The following PLD1 variants were observed in gnomAD, a reference collection of about 807,000 sequenced individuals.
The protein encoded by PLD1 is choline phosphatase 1.
A neutral mutation model predicts 137.1 loss-of-function variants in PLD1; 112 were observed. The ratio of observed to expected loss-of-function variants is 0.82; its 90% CI spans 0.70 to 0.96. The LOEUF (loss-of-function observed/expected upper bound fraction) is 0.96. PLD1 is among the 40% of genes least tolerant of loss of function. The pLI is 0.00. For missense variants in PLD1, 1,321 were observed against 1,342.0 expected, an observed-to-expected ratio of 0.98 and a Z score of 0.24; for synonymous variants, 431 against 454.7, an observed-to-expected ratio of 0.95 and a Z score of 0.66.
chr3:171,743,723 A>G (rs1235605757), intron 1 of PLD1, among the ~76,000 whole-genome samples: 12 of 152,138 alleles, frequency 7.9e-5, no homozygotes, highest in Non-Finnish European at 2.9e-5. Flanking sequence ...TCATGGTTGC[A>G]CTCTCAAGAC....
Position 171,709,600 on chromosome 3 carries a change from C to A in PLD1, c.1021G>T (p.Gly341Trp). 1 of 1,613,952 alleles carries A rather than the reference C, an allele frequency of 6.2e-7. No individual in the cohort carries two copies. Among genetic ancestry groups the A allele is most frequent in the Non-Finnish European group, 8.5e-7 (1 of 1,179,900 alleles). ...GTNFLKDHRF[G>W]SYAAIQENAL... ...TTCTCTTGGATAGCAGCATATGACC[C>A]AAATCGATGATCTTTGAGAAAGTTG... The change falls in exon 10 of 27, where the codon GGG (glycine) becomes TGG (tryptophan). Residue 341 changes from glycine to tryptophan, a missense_variant. Coordinates refer to ENST00000351298, the MANE Select transcript of PLD1 (RefSeq NM_002662.5).
chr3:171,685,178 G>T (rs1714424042), intron 16 of PLD1, among the ~76,000 whole-genome samples: 1 of 151,992 alleles, frequency 6.6e-6, no homozygotes, highest in Non-Finnish European at 1.5e-5. Flanking sequence ...TTTTATGTGT[G>T]GCCCAAGACA....
intron 21 of PLD1, among the ~76,000 whole-genome samples, chr3:171,648,829 C>G (rs916547940): frequency 6.6e-6 from 1 of 152,240 alleles, no homozygotes; most frequent in African/African-American, 2.4e-5. Context: ...GCTGGTATTA[C>G]AGGCGTGAGC....
intron 13 of PLD1, among the ~76,000 whole-genome samples, chr3:171,691,802 G>C (rs1428116886): frequency 6.6e-6 from 1 of 152,108 alleles, no homozygotes; most frequent in African/African-American, 2.4e-5. Context: ...ATTATGTCTT[G>C]ATGTACCTCA....
At chr3:171,635,692 A>G (rs1735042662) in intron 23 of PLD1, among the ~76,000 whole-genome samples, 1 of 151,820 alleles carries the variant, frequency 6.6e-6, no homozygotes, top group African/African-American at 2.4e-5. Flanking sequence ...ATGATTTGCA[A>G]ATGGTTTTCT....
At chr3:171,784,280 G>A (rs1269472171) in intron 1 of PLD1, among the ~76,000 whole-genome samples, 1 of 151,686 alleles carries the variant, frequency 6.6e-6, no homozygotes, top group Non-Finnish European at 1.5e-5. Flanking sequence ...ACCACATTTG[G>A]AGGATTTGAA....
intron 21 of PLD1, among the ~76,000 whole-genome samples, chr3:171,658,527 T>C (rs1737401321): frequency 6.6e-6 from 1 of 152,108 alleles, no homozygotes; most frequent in Admixed American, 6.5e-5. Context: ...TTCAAGAACA[T>C]TATGCTAAGA....
chr3:171,719,404 T>C (rs1717923877), intron 8 of PLD1, among the ~76,000 whole-genome samples: 1 of 152,208 alleles, frequency 6.6e-6, no homozygotes, highest in Admixed American at 6.5e-5. Context: ...TCTACTACTA[T>C]CTGTTCAATG....
chr3:171,644,901 T>C lies in PLD1; in HGVS notation c.2543+9A>G. 1.3e-6 allele frequency: 2 copies of C among 1,549,076 alleles called. No homozygotes were observed. Among genetic ancestry groups the C allele is most frequent in the Non-Finnish European group, 1.8e-6 (2 of 1,120,646 alleles). On this transcript the variant is annotated intron_variant, in intron 22 of 26. Transcript: ENST00000351298. ...AAAGCTCAAAATAGACCATTTAGAG[T>C]TTTGGCACCTGTAGTTGAAGTGCAT...
intron 1 of PLD1, among the ~76,000 whole-genome samples, chr3:171,767,854 G>A: frequency 6.6e-6 from 1 of 151,998 alleles, no homozygotes; most frequent in Non-Finnish European, 1.5e-5. Context: ...AAGGTGGGAG[G>A]CTGACTTAAG....
At chr3:171,640,178 T>C (rs1284105714) in intron 23 of PLD1, among the ~76,000 whole-genome samples, 2 of 151,896 alleles carry the variant, frequency 1.3e-5, no homozygotes, top group African/African-American at 4.8e-5. Flanking sequence ...CTCCAATCTC[T>C]GTTATTTATT....
rs539339751 is a variant in PLD1, at chr3:171,721,853, G to A, written c.758+2843C>T. The stretch of plus-strand genomic sequence containing the variant: ...TCAGTTTTCTTTAGTTTAATCTTCT[G>A]ATCTTTTCCTTGTAATTTCTTCTGT... On this transcript the variant is annotated intron_variant, in intron 8 of 26. Coordinates refer to ENST00000351298, the MANE Select transcript of PLD1 (RefSeq NM_002662.5). 3.3e-5 allele frequency among the ~76,000 whole-genome samples: 5 copies of A among 150,610 alleles called. No homozygotes were observed. The South Asian group carries it at 6.3e-4, about 19-fold the overall frequency.
rs1716086443 is a variant in PLD1 at position 171,699,841 on chromosome 3, C to T, written c.1146-15G>A. 1.2e-6 allele frequency: 2 copies of T among 1,603,316 alleles called. No homozygotes were observed. The highest frequency in any genetic ancestry group is 1.7e-6 in the Non-Finnish European group (2 of 1,171,440). On this transcript the variant is annotated splice_polypyrimidine_tract_variant and intron_variant, in intron 11 of 26. Transcript: ENST00000351298. ...CTGGACTCAGCCTGAAACAATGAAA[C>T]CAAGATTTTAAGTAACTAAAACAAA...
At position 171,710,872 on chromosome 3, in the gene PLD1, C is replaced by CTTTTTTTTTTTTTTTTTT. The variant is rs774704143; in HGVS notation, c.912-1181_912-1164dup. On this transcript the variant is annotated intron_variant, in intron 9 of 26. Transcript: ENST00000351298. ...TTTCACTAATCATAGGAAAACTGTT[C>CTTTTTTTTTTTTTTTTTT]TTTTTTTTTTTTTTTTTTTGAGACG... 1.3e-3 allele frequency among the ~76,000 whole-genome samples: 124 copies of CTTTTTTTTTTTTTTTTTT among 98,562 alleles called. 17 individuals carry two copies. Among genetic ancestry groups the CTTTTTTTTTTTTTTTTTT allele is most frequent in the African/African-American group, 4.7e-3 (101 of 21,372 alleles). The allele number at this position is 98,562 out of a possible 152,430, so 64.7% of individuals were successfully genotyped here. A position where few individuals can be genotyped will look rare whatever the true frequency, so the allele number is the denominator to read the frequency against.
chr3:171,764,966 GAA>G (rs1487561044), intron 1 of PLD1, among the ~76,000 whole-genome samples: 1 of 57,982 alleles, frequency 1.7e-5, no homozygotes, highest in African/African-American at 4.5e-5. Flanking sequence ...AAGAAAGAAA[GAA>G]AGAAAGAAAG....
intron 20 of PLD1, among the ~76,000 whole-genome samples, chr3:171,659,632 T>C (rs1737504459): frequency 6.6e-6 from 1 of 151,864 alleles, no homozygotes. Flanking sequence ...GGGAAACTAG[T>C]TTTTTTCAGA....
intron 1 of PLD1, among the ~76,000 whole-genome samples, chr3:171,766,868 T>C (rs1722010205): frequency 6.6e-6 from 1 of 152,210 alleles, no homozygotes; most frequent in Non-Finnish European, 1.5e-5. Flanking sequence ...TCTTGTTCTA[T>C]ATTGTTAAAG....
Position 171,737,607 on chromosome 3 carries a change from A to T in PLD1, c.213T>A (p.Asn71Lys), listed in dbSNP as rs1274655581. Reference protein sequence around the residue: ...IYNTQGFKEPNIQTYLSGCPI... With the variant: ...IYNTQGFKEPKIQTYLSGCPI... ...GACAGCCGGAGAGATACGTCTGTAT[A>T]TTAGGCTCCTTAAATCCTTGAGTGT... Residue 71 changes from asparagine (N) to lysine (K), a missense_variant, in exon 3 of 27, where the codon AAT (asparagine) becomes AAA (lysine). Transcript: ENST00000351298. 6.2e-7 allele frequency: 1 copy of T among 1,606,096 alleles called. No individual in the cohort carries two copies. The highest frequency in any genetic ancestry group is 8.5e-7 in the Non-Finnish European group (1 of 1,173,282).
At chr3:171,687,043 C>A (rs1714636861) in intron 15 of PLD1, among the ~76,000 whole-genome samples, 1 of 152,176 alleles carries the variant, frequency 6.6e-6, no homozygotes, top group Admixed American at 6.5e-5. Context: ...AATGTAATTT[C>A]TTCTAAGAAA....
Sources: allele counts gnomAD v4.1 joint callset (sites outside exome capture counted in the v4.1 genomes callset), GRCh38; gene constraint gnomAD v4.1.1; transcripts MANE v1.5; gene names NCBI Gene and HGNC (gene_info 2026-07-23, HGNC 2026-07-21).